NINJ2: variants seen among roughly 807,000 people sequenced by gnomAD.
The protein encoded by NINJ2 is ninjurin 2, also known as ninjurin-2.
In NINJ2, 12 loss-of-function variants were observed where a neutral mutation model predicts 11.7. The ratio of observed to expected loss-of-function variants is 1.02; its 90% confidence interval spans 0.66 to 1.66. The LOEUF (loss-of-function observed/expected upper bound fraction) is 1.66, where lower values mean the gene tolerates loss of function less well. NINJ2 is among the 40% of genes most tolerant of loss of function. The pLI, the probability that NINJ2 is intolerant of heterozygous loss-of-function variation, is 0.00. For synonymous variants in NINJ2, 93 were observed against 76.8 expected (o/e 1.21, Z -1.10); for missense variants, 187 against 181.8 (o/e 1.03, Z -0.16).
chr12:584,665 G>C (rs1268336444), intron 1 of NINJ2, among the ~76,000 whole-genome samples: 1 of 151,996 alleles, frequency 6.6e-6, no homozygotes, highest in African/African-American at 2.4e-5. Context: ...ATTTAGCCGG[G>C]TGTGGTGGCG....
intron 1 of NINJ2, among the ~76,000 whole-genome samples, chr12:642,469 C>A (rs1235414785): frequency 6.6e-6 from 1 of 152,174 alleles, no homozygotes; most frequent in African/African-American, 2.4e-5. Flanking sequence ...GACCTCAGGT[C>A]CCCCCGCCTC....
intron 1 of NINJ2, among the ~76,000 whole-genome samples, chr12:599,515 C>T (rs1947836675): frequency 6.6e-6 from 1 of 152,324 alleles, no homozygotes; most frequent in Middle Eastern, 3.4e-3. Context: ...AGCCATCACA[C>T]GTTGAGCAGC....
intron 1 of NINJ2, among the ~76,000 whole-genome samples, chr12:606,885 A>G (rs2607917): frequency 0.6 from 90,538 of 151,878 alleles, 27,778 homozygotes; most frequent in African/African-American, 0.76. Context: ...GTGGAGCAAA[A>G]GAAGGGAGGG....
chr12:655,524 A>T (rs1200288342), intron 1 of NINJ2, among the ~76,000 whole-genome samples: 1 of 152,234 alleles, frequency 6.6e-6, no homozygotes, highest in Non-Finnish European at 1.5e-5. Flanking sequence ...ATTAGCACCT[A>T]AAAAAGTGAA....
intron 1 of NINJ2, among the ~76,000 whole-genome samples, chr12:597,942 T>C (rs1437048446): frequency 6.6e-6 from 1 of 152,252 alleles, no homozygotes. Context: ...TGGACCCTTC[T>C]GGTTTAAAGG....
In NINJ2 at chr12:610,220, A is replaced by T. The variant is rs1459552166; in HGVS notation, c.34-44042T>A. ...ACACACATTGCCAGACACCCAGCAG[A>T]CACAGAATCAATGCTTTTGCGTGAG... On this transcript the variant is annotated intron_variant, in intron 1 of 3. Transcript: ENST00000305108. The T allele has an allele frequency of 5.1e-6, 4 of 785,940 alleles. No homozygotes were observed. In the Admixed American group the frequency reaches 8.3e-5, roughly 16 times the overall value. The allele number at this position is 785,940 out of a possible 1,614,324, so 48.7% of individuals were successfully genotyped here.
chr12:566,790 G>A (rs1279512928), intron 1 of NINJ2, among the ~76,000 whole-genome samples: 2 of 152,230 alleles, frequency 1.3e-5, no homozygotes, highest in Non-Finnish European at 1.5e-5. Flanking sequence ...TATACACACA[G>A]TAATGCATAC....
intron 1 of NINJ2, among the ~76,000 whole-genome samples, chr12:651,259 G>A (rs1937781468): frequency 6.6e-6 from 1 of 151,550 alleles, no homozygotes; most frequent in Non-Finnish European, 1.5e-5. Flanking sequence ...TTCTTAACAA[G>A]GCCTGACCTC....
At position 660,280 on chromosome 12, in the gene NINJ2, C is replaced by A. The variant is rs1444661165; in HGVS notation, c.33+3048G>T. Among the ~76,000 whole-genome samples, 3 of 133,962 alleles carry A rather than the reference C, an allele frequency of 2.2e-5. No individual in the cohort carries two copies. In the East Asian group the frequency reaches 6.8e-4, roughly 30 times the overall value. 87.9% of individuals were successfully genotyped at this position (133,962 alleles called of 152,430 possible). On this transcript the variant is annotated intron_variant, in intron 1 of 3. Transcript: ENST00000305108. ...TCCTGCCTGTGTGACACAGCAAGAT[C>A]CTGTCTGTTAAAAAAAAAAAAAAAA...
intron 1 of NINJ2, chr12:610,673 C>T (rs957781043): frequency 3.4e-5 from 33 of 978,946 alleles, no homozygotes; most frequent in Non-Finnish European, 3.8e-5. Context: ...TTCAACTCAA[C>T]CTTGTTTAGC....
In NINJ2 at chr12:647,307, G is replaced by A. The variant is rs567609280; in HGVS notation, c.33+16021C>T. Among the ~76,000 whole-genome samples, 3 of 152,290 alleles carry A rather than the reference G, an allele frequency of 2.0e-5. No individual in the cohort carries two copies. The South Asian group carries it at 6.2e-4, about 32-fold the overall frequency. On this transcript the variant is annotated intron_variant, in intron 1 of 3. Transcript: ENST00000305108. The stretch of plus-strand genomic sequence containing the variant: ...TCATTATGCTTAATCTTTCTAGTGG[G>A]GGTGGGCCTGTCAAACACGTCTCTT...
intron 1 of NINJ2, among the ~76,000 whole-genome samples, chr12:636,319 T>C (rs1194362617): frequency 6.6e-6 from 1 of 152,054 alleles, no homozygotes; most frequent in Admixed American, 6.6e-5. Context: ...GAGGTTGTGG[T>C]GAGCTGAGAT....
chr12:575,315 C>T (rs892752329), intron 1 of NINJ2, among the ~76,000 whole-genome samples: 12 of 152,216 alleles, frequency 7.9e-5, no homozygotes, highest in African/African-American at 2.2e-4. Flanking sequence ...CTCCTCCTCC[C>T]ACCCCTGAAG....
rs111778018 is a variant in NINJ2 at position 662,409 on chromosome 12, CGAGAGAGA to C, written c.33+911_33+918del. On this transcript the variant is annotated intron_variant, in intron 1 of 3. Coordinates refer to ENST00000305108, the MANE Select transcript of NINJ2 (RefSeq NM_016533.6). ...CCCTGCCCAAAACACACACAGAGAA[CGAGAGAGA>C]GAGAGAGAGAGAGAGACGCGTGCAC... Among the ~76,000 whole-genome samples, 21 of 147,520 alleles carry C rather than the reference CGAGAGAGA, an allele frequency of 1.4e-4. No homozygotes were observed. The South Asian group carries it at 2.4e-3, about 17-fold the overall frequency.
At chr12:605,901 C>A (rs1947936791) in intron 1 of NINJ2, among the ~76,000 whole-genome samples, 1 of 151,354 alleles carries the variant, frequency 6.6e-6, no homozygotes, top group Admixed American at 6.6e-5. Flanking sequence ...AAGATGGAGA[C>A]CAAAATAAAG....
chr12:643,741 TC>T, intron 1 of NINJ2: 1 of 929,616 alleles, frequency 1.1e-6, no homozygotes, highest in Non-Finnish European at 1.3e-6. Flanking sequence ...TGGAACTCGC[TC>T]CCCCCTCACA....
At chr12:589,879 G>A (rs373419192) in intron 1 of NINJ2, among the ~76,000 whole-genome samples, 4 of 152,118 alleles carry the variant, frequency 2.6e-5, no homozygotes, top group African/African-American at 9.7e-5. Context: ...CCTCCGTGGG[G>A]TGAGGCAGAT....
intron 1 of NINJ2, chr12:610,289 A>G: frequency 7.1e-7 from 1 of 1,408,566 alleles, no homozygotes; most frequent in Non-Finnish European, 9.7e-7. Flanking sequence ...CCCAGTCCCC[A>G]GTGCCCAGCA....
In NINJ2 at chr12:628,527, T is replaced by C. The variant is rs1948234893; in HGVS notation, c.33+34801A>G. Among the ~76,000 whole-genome samples the C allele has an allele frequency of 6.6e-6, 1 of 152,312 alleles. No homozygotes were observed. The highest frequency in any genetic ancestry group is 1.9e-4 in the East Asian group (1 of 5,170). On this transcript the variant is annotated intron_variant, in intron 1 of 3. Transcript: ENST00000305108. This position sits in a 1 kb window ranked among gnomAD's most constrained non-coding sequence, Gnocchi z 4.4. ...AAAAACATAAGCATGGTAATGCATA[T>C]ATAATACGTGTCTATGGCAGAGGCA... is the stretch of plus-strand genomic sequence containing the variant.
Sources: allele counts gnomAD v4.1 joint callset (sites outside exome capture counted in the v4.1 genomes callset), GRCh38; gene constraint gnomAD v4.1.1; non-coding constraint Gnocchi (gnomAD v3.1); transcripts MANE v1.5; gene names NCBI Gene and HGNC (gene_info 2026-07-23, HGNC 2026-07-21).